The following CA10 variants were observed in gnomAD, a reference collection of about 807,000 sequenced individuals.
The protein encoded by CA10 is carbonic anhydrase-related protein 10.
CA10 carries 14 observed loss-of-function variants against 44.2 expected under a neutral mutation model. The observed-to-expected ratio is 0.32, with a 90% confidence interval of 0.21 to 0.50. The LOEUF (loss-of-function observed/expected upper bound fraction) is 0.50, where lower values mean the gene tolerates loss of function less well. Ranked by LOEUF, CA10 falls within the 20% of genes least tolerant of loss-of-function variation. The probability of loss-of-function intolerance (pLI) is 0.99; values close to 1 mark genes in which losing one functional copy is unlikely to be tolerated. For synonymous variants in CA10, 159 were observed against 141.6 expected (o/e 1.12, Z -0.87); for missense variants, 350 against 409.7 (o/e 0.85, Z 1.26).
intron 2 of CA10, among the ~76,000 whole-genome samples, chr17:51,958,198 T>G (rs536329193): frequency 6.6e-5 from 10 of 151,928 alleles, no homozygotes; most frequent in African/African-American, 2.4e-4. Context: ...AGTCAACAGA[T>G]AGTGGTAGTA....
chr17:51,654,930 T>C (rs375604601), intron 4 of CA10, among the ~76,000 whole-genome samples: 1 of 152,032 alleles, frequency 6.6e-6, no homozygotes, highest in African/African-American at 2.4e-5. Context: ...TCTTTCTAAT[T>C]CTAGTCCATG....
intron 3 of CA10, among the ~76,000 whole-genome samples, chr17:51,877,374 A>T (rs940480957): frequency 6.6e-6 from 1 of 152,226 alleles, no homozygotes; most frequent in African/African-American, 2.4e-5. Flanking sequence ...CATTGTGAGC[A>T]TTTATGTGAC....
intron 4 of CA10, among the ~76,000 whole-genome samples, chr17:51,717,754 TATAC>T (rs1470210111): frequency 1.0e-4 from 5 of 49,274 alleles, no homozygotes; most frequent in Admixed American, 2.8e-4. Flanking sequence ...TACATGTATA[TATAC>T]GTATATATGT....
chr17:52,012,327 C>T (rs1348277693), intron 2 of CA10, among the ~76,000 whole-genome samples: 1 of 151,900 alleles, frequency 6.6e-6, no homozygotes, highest in African/African-American at 2.4e-5. Context: ...AATGGCCACA[C>T]AGCTGATAGG....
At chr17:52,103,389 G>T (rs1598216129) in intron 1 of CA10, among the ~76,000 whole-genome samples, 1 of 152,200 alleles carries the variant, frequency 6.6e-6, no homozygotes, top group Non-Finnish European at 1.5e-5. Context: ...TCTAAGGCCA[G>T]AGAGGCAAGT....
At chr17:51,925,094 G>T (rs1982373438) in intron 3 of CA10, among the ~76,000 whole-genome samples, 1 of 152,032 alleles carries the variant, frequency 6.6e-6, no homozygotes, top group Admixed American at 6.6e-5. Flanking sequence ...TTATTATGTT[G>T]CTCAGGCTGG....
At chr17:51,872,343 A>G (rs535586364) in intron 3 of CA10, among the ~76,000 whole-genome samples, 1 of 152,318 alleles carries the variant, frequency 6.6e-6, no homozygotes, top group East Asian at 1.9e-4. Context: ...TGAATCACTA[A>G]AAGTTTGTCT....
intron 2 of CA10, among the ~76,000 whole-genome samples, chr17:52,008,657 GA>G (rs142752723): frequency 0.024 from 3,682 of 151,680 alleles, 66 homozygotes; most frequent in Non-Finnish European, 0.039. Context: ...TTTTACTTAG[GA>G]AACTTTGAAA....
intron 3 of CA10, among the ~76,000 whole-genome samples, chr17:51,925,130 C>A (rs1229643763): frequency 1.3e-5 from 2 of 152,074 alleles, no homozygotes; most frequent in Non-Finnish European, 2.9e-5. Flanking sequence ...TTCAAGTGAT[C>A]CTCTTGCTTT....
intron 3 of CA10, among the ~76,000 whole-genome samples, chr17:51,820,315 G>A (rs1907722270): frequency 1.3e-5 from 2 of 149,150 alleles, no homozygotes. Context: ...CTGACACACA[G>A]TGGGTATTCA....
intron 2 of CA10, among the ~76,000 whole-genome samples, chr17:51,939,471 A>T (rs1406430954): frequency 6.6e-6 from 1 of 152,116 alleles, no homozygotes; most frequent in African/African-American, 2.4e-5. Flanking sequence ...TTATTTTAAT[A>T]GATGCTGTCA....
chr17:51,774,676 T>C (rs1905747422), intron 3 of CA10, among the ~76,000 whole-genome samples: 1 of 152,092 alleles, frequency 6.6e-6, no homozygotes. Flanking sequence ...ACTCCTGAGA[T>C]CAGGGAATCC....
At chr17:52,016,816 G>A (rs977642134) in intron 2 of CA10, among the ~76,000 whole-genome samples, 1 of 152,142 alleles carries the variant, frequency 6.6e-6, no homozygotes, top group Non-Finnish European at 1.5e-5. Flanking sequence ...AGGAGGCTGA[G>A]GTGGGAGACT....
chr17:51,770,580 T>C (rs1409043267), intron 3 of CA10, among the ~76,000 whole-genome samples: 1 of 152,194 alleles, frequency 6.6e-6, no homozygotes, highest in Non-Finnish European at 1.5e-5. Context: ...CTGGTACTGA[T>C]TGTATTAGGC....
intron 6 of CA10, 96 bp from the exon 7 acceptor site, chr17:51,636,105 T>G (rs1337769187): frequency 3.2e-6 from 2 of 632,058 alleles, no homozygotes; most frequent in Non-Finnish European, 5.2e-6. Flanking sequence ...CATATACATA[T>G]ACATACATAT....
At chr17:52,025,416 G>A (rs1282892087) in intron 2 of CA10, among the ~76,000 whole-genome samples, 1 of 152,056 alleles carries the variant, frequency 6.6e-6, no homozygotes, top group East Asian at 1.9e-4. Flanking sequence ...GTTTCAGGAT[G>A]ATTAATAAGC....
intron 1 of CA10, among the ~76,000 whole-genome samples, chr17:52,092,281 C>A (rs1305288390): frequency 6.6e-6 from 1 of 152,146 alleles, no homozygotes; most frequent in Non-Finnish European, 1.5e-5. Context: ...CTTTTTCTGG[C>A]ACTATGTTAC....
chr17:51,823,958 C>T (rs1200173514), intron 3 of CA10, among the ~76,000 whole-genome samples: 1 of 152,226 alleles, frequency 6.6e-6, no homozygotes, highest in East Asian at 1.9e-4. Flanking sequence ...ATCACTGTCA[C>T]TCCACCCTGG....
chr17:51,915,162 G>A (rs1202102402), intron 3 of CA10, among the ~76,000 whole-genome samples: 2 of 152,132 alleles, frequency 1.3e-5, no homozygotes, highest in Non-Finnish European at 2.9e-5. Flanking sequence ...TAGATTGAAA[G>A]GGGTCATCTT....
Sources: gnomAD v4.1 joint callset for allele counts (sites outside exome capture counted in the v4.1 genomes callset) on GRCh38, gnomAD v4.1.1 for gene constraint, MANE v1.5 for transcripts, NCBI Gene and HGNC (gene_info 2026-07-23, HGNC 2026-07-21) for gene names.